CECR2: variants seen among roughly 807,000 people sequenced by gnomAD.
CECR2 encodes the protein chromatin remodeling regulator CECR2.
In CECR2, 30 loss-of-function variants were observed where a neutral mutation model predicts 154.5. The observed-to-expected ratio is 0.19, with a 90% confidence interval of 0.15 to 0.26. CECR2 has a LOEUF of 0.26. Ranked by LOEUF, CECR2 falls within the 10% of genes least tolerant of loss-of-function variation. The pLI is 1.00. For missense variants in CECR2, 1,743 were observed against 1,829.3 expected, an observed-to-expected ratio of 0.95 and a Z score of 0.86; for synonymous variants, 725 against 683.7, an observed-to-expected ratio of 1.06 and a Z score of -0.94.
upstream of CECR2, among the ~76,000 whole-genome samples, chr22:17,368,520 GTACTCCACCGCGC>G (rs2063016270): frequency 6.6e-6 from 1 of 152,062 alleles, no homozygotes; most frequent in African/African-American, 2.4e-5. Flanking sequence ...GGATTTAGCA[GTACTCCACCGCGC>G]TACAGCAGTT....
At chr22:17,421,850 T>TG (rs2054257955) in intron 1 of CECR2, among the ~76,000 whole-genome samples, 1 of 138,278 alleles carries the variant, frequency 7.2e-6, no homozygotes, top group East Asian at 2.1e-4. Context: ...GCATCTCTAC[T>TG]AAAAAAAAAA....
intron 8 of CECR2, among the ~76,000 whole-genome samples, chr22:17,523,803 T>G (rs1333633634): frequency 6.6e-6 from 1 of 151,228 alleles, no homozygotes; most frequent in Non-Finnish European, 1.5e-5. Flanking sequence ...TTATCAGATG[T>G]TAACTCTAAA....
chr22:17,460,662 G>A (rs2146729895), intron 1 of CECR2, among the ~76,000 whole-genome samples: 1 of 137,524 alleles, frequency 7.3e-6, no homozygotes, highest in South Asian at 2.1e-4. Context: ...AGGTTGACAA[G>A]TCTTAGATTG....
At chr22:17,440,608 T>C (rs556879688) in intron 1 of CECR2, among the ~76,000 whole-genome samples, 32 of 152,174 alleles carry the variant, frequency 2.1e-4, no homozygotes, top group Admixed American at 1.1e-3. Flanking sequence ...CTGGGACTTT[T>C]ATTGATTTAT....
intron 2 of CECR2, 77 bp from the exon 3 acceptor site, chr22:17,497,326 G>A (rs2055647694): frequency 3.0e-5 from 41 of 1,388,196 alleles, no homozygotes; most frequent in Non-Finnish European, 3.8e-5. Flanking sequence ...CAGATCATGA[G>A]TTCTCTCTCT....
intron 1 of CECR2, chr22:17,418,845 G>T: frequency 5.9e-6 from 1 of 169,718 alleles, no homozygotes; most frequent in East Asian, 1.8e-4. Context: ...CCTGCAGGGT[G>T]ACCGCACTGT....
intron 1 of CECR2, among the ~76,000 whole-genome samples, chr22:17,437,205 C>T (rs1040899404): frequency 6.6e-6 from 1 of 152,098 alleles, no homozygotes; most frequent in African/African-American, 2.4e-5. Flanking sequence ...CTTCCCCTTC[C>T]CCCTTGGCCT....
chr22:17,445,593 T>TATTATTATG (rs56335102), intron 1 of CECR2, among the ~76,000 whole-genome samples: 2 of 146,790 alleles, frequency 1.4e-5, no homozygotes, highest in Non-Finnish European at 3.0e-5. Flanking sequence ...TTATTATTAT[T>TATTATTATG]TGAGGCAGAG....
At chr22:17,474,982 A>T (rs1185009722) in intron 1 of CECR2, among the ~76,000 whole-genome samples, 1 of 152,104 alleles carries the variant, frequency 6.6e-6, no homozygotes, top group Non-Finnish European at 1.5e-5. Flanking sequence ...CTTAGGAGAA[A>T]TTAGTTAGTA....
chr22:17,456,918 C>T (rs1017920404), intron 1 of CECR2, among the ~76,000 whole-genome samples: 12 of 152,358 alleles, frequency 7.9e-5, no homozygotes, highest in African/African-American at 2.9e-4. Context: ...TGTTTTCACA[C>T]ATTTAGAATA....
At chr22:17,532,066 A>T (rs2056364109) in intron 9 of CECR2, among the ~76,000 whole-genome samples, 1 of 152,012 alleles carries the variant, frequency 6.6e-6, no homozygotes, top group Admixed American at 6.6e-5. Context: ...GCTACTCGGG[A>T]GGCTGAGGTA....
chr22:17,544,321 A>G (rs963829200), intron 16 of CECR2, among the ~76,000 whole-genome samples: 1 of 151,036 alleles, frequency 6.6e-6, no homozygotes, highest in African/African-American at 2.4e-5. Flanking sequence ...ACATGGTGAA[A>G]CCCCATCTCT....
chr22:17,488,488 C>T (rs1181992111), intron 2 of CECR2, among the ~76,000 whole-genome samples: 5 of 152,158 alleles, frequency 3.3e-5, no homozygotes, highest in African/African-American at 4.8e-5. Flanking sequence ...CAACCACTGA[C>T]GACATTTTTA....
At chr22:17,383,899 C>T (rs1307400520) in intron 1 of CECR2, among the ~76,000 whole-genome samples, 2 of 152,108 alleles carry the variant, frequency 1.3e-5, no homozygotes, top group African/African-American at 4.8e-5. Flanking sequence ...TCTCAGACTC[C>T]TGACCTCAGG....
intron 1 of CECR2, among the ~76,000 whole-genome samples, chr22:17,375,957 AT>A (rs2063114303): frequency 6.8e-6 from 1 of 146,550 alleles, no homozygotes; most frequent in South Asian, 2.1e-4. Flanking sequence ...GGAGACTCTT[AT>A]CTAAAAAAAA....
At chr22:17,458,092 G>T (rs1357005642) in intron 1 of CECR2, among the ~76,000 whole-genome samples, 1 of 151,920 alleles carries the variant, frequency 6.6e-6, no homozygotes, top group East Asian at 1.9e-4. Context: ...AATTGTGGGG[G>T]TGGCTGCATG....
intron 12 of CECR2, 96 bp downstream of exon 12, chr22:17,538,827 C>T (rs1296792): frequency 0.17 from 224,001 of 1,284,150 alleles, 22,244 homozygotes; most frequent in Non-Finnish European, 0.2. Flanking sequence ...TATTTTGATA[C>T]GTTTTTCTTT....
chr22:17,552,108 C>T lies in CECR2; in HGVS notation c.4355C>T (p.Pro1452Leu), dbSNP rs181553013. ...PTAATSQEEV[P>L]PHKPPTLPLD... ...GCAGCAACATCACAGGAGGAGGTGCCGCCTCATAAGCCTCCAACACTTCCC... is the reference window on the plus strand; with the variant it reads ...GCAGCAACATCACAGGAGGAGGTGCTGCCTCATAAGCCTCCAACACTTCCC... The change falls in exon 18 of 19, where the codon CCG (proline) becomes CTG (leucine). Residue 1452 changes from proline to leucine, a missense_variant. Pro to Leu is a moderately conservative substitution (Grantham distance 98). Transcript: ENST00000262608. 1.9e-3 allele frequency: 2,988 copies of T among 1,613,908 alleles called. 7 individuals are homozygous for T. The highest frequency in any genetic ancestry group is 2.1e-3 in the Non-Finnish European group (2,424 of 1,179,882).
intron 9 of CECR2, among the ~76,000 whole-genome samples, chr22:17,535,185 A>G (rs564108320): frequency 2.6e-5 from 4 of 151,580 alleles, no homozygotes; most frequent in Non-Finnish European, 4.4e-5. Flanking sequence ...AGGCGTGGTG[A>G]CAGACCCCTG....
Sources: allele counts gnomAD v4.1 joint callset (sites outside exome capture counted in the v4.1 genomes callset), GRCh38; gene constraint gnomAD v4.1.1; transcripts MANE v1.5; gene names NCBI Gene and HGNC (gene_info 2026-07-23, HGNC 2026-07-21).